PRRC2B: variants seen among roughly 807,000 people sequenced by gnomAD.
PRRC2B encodes protein PRRC2B.
Under a neutral mutation model 242.3 loss-of-function variants are expected in PRRC2B, and 68 were observed. That is an observed-to-expected ratio of 0.28 (90% confidence interval 0.23 to 0.34). The LOEUF is 0.34. PRRC2B is among the 10% of genes least tolerant of loss of function. The pLI, the probability that PRRC2B is intolerant of heterozygous loss-of-function variation, is 1.00. For synonymous variants in PRRC2B, 1,228 were observed against 1,173.6 expected (o/e 1.05, Z -0.95); for missense variants, 2,835 against 2,954.8 (o/e 0.96, Z 0.94).
At chr9:131,465,214 T>A (rs930700928) in intron 12 of PRRC2B, 136 bp downstream of exon 12, 13 of 875,482 alleles carry the variant, frequency 1.5e-5, no homozygotes, top group Non-Finnish European at 1.9e-5. Flanking sequence ...CATCAGTTAT[T>A]AAGAGCATAG....
rs2131272858 is a variant in PRRC2B at position 131,394,220 on chromosome 9, G to T, written c.-95G>T. ...CCGCCCCCGTGCCCGACCGCCGCCCGACTGCCATCGCCCGGCCCGGCCGCG... is the reference window on the plus strand; with the variant it reads ...CCGCCCCCGTGCCCGACCGCCGCCCTACTGCCATCGCCCGGCCCGGCCGCG... On this transcript the variant is annotated 5_prime_UTR_variant, in exon 1 of 32. Transcript: ENST00000683519. 1.4e-5 allele frequency: 2 copies of T among 148,078 alleles called. No individual in the cohort carries two copies. Among genetic ancestry groups the T allele is most frequent in the South Asian group, 3.6e-4 (2 of 5,600 alleles). 9.2% of individuals were successfully genotyped at this position (148,078 alleles called of 1,614,324 possible).
Position 131,476,196 on chromosome 9 carries a change from G to A in PRRC2B, c.4067G>A (p.Arg1356His), listed in dbSNP as rs569093781. 56 of 1,613,500 alleles carry A rather than the reference G, an allele frequency of 3.5e-5. No homozygotes were observed. Among genetic ancestry groups the A allele is most frequent in the African/African-American group, 1.1e-4 (8 of 75,072 alleles). ...CSGDKSGTVG[R>H]RSPELSYQNS... is the part of the protein sequence containing the mutation. ...GGGGACAAGAGTGGCACTGTGGGCC[G>A]CAGGTCCCCTGAGCTCTCCTACCAG... The change falls in exon 16 of 32, where the codon CGC (arginine) becomes CAC (histidine). Residue 1356 changes from arginine (R) to histidine (H), a missense_variant. Transcript: ENST00000683519.
intron 2 of PRRC2B, among the ~76,000 whole-genome samples, chr9:131,431,247 C>T (rs1279220354): frequency 6.6e-6 from 1 of 152,150 alleles, no homozygotes; most frequent in Non-Finnish European, 1.5e-5. Context: ...TCTCCTGCCT[C>T]AGCCTCCCAA....
chr9:131,454,751 T>C (rs1031161403), intron 9 of PRRC2B, among the ~76,000 whole-genome samples: 16 of 152,146 alleles, frequency 1.1e-4, no homozygotes, highest in African/African-American at 3.4e-4. Context: ...TTCTCCTGCC[T>C]CAGCCTCCTG....
rs146720052 is a variant in PRRC2B at position 131,432,071 on chromosome 9, C to T, written c.116-546C>T. ...GGCCTCCCAAAGTGCTGCAATTACA[C>T]GTGTGAGCCACCACGCCTGGTGTGT... is the stretch of plus-strand genomic sequence containing the variant. On this transcript the variant is annotated intron_variant, in intron 2 of 31. Transcript: ENST00000683519. Among the ~76,000 whole-genome samples the T allele has an allele frequency of 2.5e-3, 388 of 152,202 alleles. 2 individuals carry two copies. Among genetic ancestry groups the T allele is most frequent in the African/African-American group, 7.1e-3 (294 of 41,522 alleles).
exon 1 of PRRC2B, chr9:131,373,727 G>A (rs1213303588): frequency 6.6e-6 from 1 of 152,238 alleles, no homozygotes; most frequent in African/African-American, 2.4e-5. Flanking sequence ...CAGCACCCAC[G>A]CCAGGTGAGC....
chr9:131,481,665 T>C, intron 19 of PRRC2B, 61 bp from the exon 20 acceptor site: 1 of 1,317,394 alleles, frequency 7.6e-7, no homozygotes, highest in Non-Finnish European at 1.1e-6. Context: ...CTTTAAGAGC[T>C]CATAAACTCT....
chr9:131,480,355 A>C (rs1019983537), intron 19 of PRRC2B, among the ~76,000 whole-genome samples: 1 of 152,242 alleles, frequency 6.6e-6, no homozygotes, highest in Non-Finnish European at 1.5e-5. Flanking sequence ...AAGCACAACC[A>C]TTTGATAAAA....
intron 4 of PRRC2B, among the ~76,000 whole-genome samples, chr9:131,437,084 G>A (rs1838398424): frequency 6.6e-6 from 1 of 152,060 alleles, no homozygotes; most frequent in African/African-American, 2.4e-5. Flanking sequence ...TGGGTCACAG[G>A]AAGACAAAAA....
chr9:131,426,004 G>A lies in PRRC2B; in HGVS notation c.-51-4090G>A, dbSNP rs138375668. Among the ~76,000 whole-genome samples, 276 of 151,028 alleles carry A rather than the reference G, an allele frequency of 1.8e-3. 2 individuals are homozygous for A. Among genetic ancestry groups the A allele is most frequent in the African/African-American group, 6.2e-3 (256 of 41,208 alleles). On this transcript the variant is annotated intron_variant, in intron 1 of 31. Coordinates refer to ENST00000683519, the MANE Select transcript of PRRC2B (RefSeq NM_013318.4). ...ACCCTAGGTGACAGAGTGAGACTCC[G>A]TCTCAACAAAAAGAAAAAAAATCAC...
At chr9:131,427,551 C>T (rs570450166) in intron 1 of PRRC2B, among the ~76,000 whole-genome samples, 9 of 152,242 alleles carry the variant, frequency 5.9e-5, no homozygotes, top group African/African-American at 1.2e-4. Flanking sequence ...GGGATGGTCT[C>T]GATCTCCTGA....
chr9:131,391,605 CTGTT>C (rs1454877463), upstream of PRRC2B, among the ~76,000 whole-genome samples: 1 of 152,170 alleles, frequency 6.6e-6, no homozygotes, highest in Non-Finnish European at 1.5e-5. Flanking sequence ...CTTTTCTTCT[CTGTT>C]GGATGGGCAC....
intron 10 of PRRC2B, among the ~76,000 whole-genome samples, chr9:131,457,247 TC>T (rs1329851799): frequency 2.0e-5 from 3 of 152,236 alleles, no homozygotes; most frequent in Non-Finnish European, 4.4e-5. Flanking sequence ...ATGGGTCAGT[TC>T]CTGGAACACT....
chr9:131,477,604 GC>G, intron 16 of PRRC2B, 139 bp from the exon 17 acceptor site: 5 of 612,340 alleles, frequency 8.2e-6, no homozygotes, highest in South Asian at 1.9e-5. Context: ...TGGCCAGCCT[GC>G]CGCTCCTCCC....
At position 131,489,151 on chromosome 9, in the gene PRRC2B, A is replaced by G. The variant is rs181992486; in HGVS notation, c.6225+1055A>G. On this transcript the variant is annotated intron_variant, in intron 28 of 31. Coordinates refer to ENST00000683519, the MANE Select transcript of PRRC2B (RefSeq NM_013318.4). The stretch of plus-strand genomic sequence containing the variant: ...TCAGTTGTCACCTCTGGCTTTTTCA[A>G]TTCACTCCCTCTAGTGACCCAACTC... Among the ~76,000 whole-genome samples, 81 of 144,130 alleles carry G rather than the reference A, an allele frequency of 5.6e-4. No homozygotes were observed. In the East Asian group the frequency reaches 0.012, roughly 22 times the overall value. The allele number at this position is 144,130 out of a possible 152,430, so 94.6% of individuals were successfully genotyped here. A position where few individuals can be genotyped will look rare whatever the true frequency, so the allele number is the denominator to read the frequency against.
chr9:131,432,013 C>T (rs184949322), intron 2 of PRRC2B, among the ~76,000 whole-genome samples: 1 of 152,052 alleles, frequency 6.6e-6, no homozygotes, highest in African/African-American at 2.4e-5. Context: ...AGGCTGGTCT[C>T]GAACTCCTGG....
chr9:131,455,124 A>G lies in PRRC2B; in HGVS notation c.1169A>G (p.Asp390Gly), dbSNP rs1262362649. ...TCTGAGAAACTGAAGTTCAGTGATGATGAAGAGGAGGAAGAAGTTGTGAAG... is the reference window on the plus strand; with the variant it reads ...TCTGAGAAACTGAAGTTCAGTGATGGTGAAGAGGAGGAAGAAGTTGTGAAG... ...DYSEKLKFSD[D>G]EEEEEVVKDG... The change falls in exon 10 of 32, where the codon GAT becomes GGT. Residue 390 changes from aspartate to glycine, a missense_variant. Coordinates refer to ENST00000683519, the MANE Select transcript of PRRC2B (RefSeq NM_013318.4). 7 of 1,613,878 alleles carry G rather than the reference A, an allele frequency of 4.3e-6. No homozygotes were observed. Among genetic ancestry groups the G allele is most frequent in the Non-Finnish European group, 5.1e-6 (6 of 1,179,840 alleles).
At chr9:131,466,755 G>C (rs530016464) in intron 12 of PRRC2B, among the ~76,000 whole-genome samples, 3 of 151,984 alleles carry the variant, frequency 2.0e-5, no homozygotes, top group Admixed American at 2.0e-4. Context: ...ATATAGCTGG[G>C]ATTACAGGCG....
In PRRC2B at chr9:131,380,886, C is replaced by CAAAAAAAAAAAAAAA. The variant is rs61180556; in HGVS notation, c.-56+7168_-56+7169insAAAAAAAAAAAAAAA. Among the ~76,000 whole-genome samples the CAAAAAAAAAAAAAAA allele has an allele frequency of 3.0e-4, 32 of 108,308 alleles. 2 individuals carry two copies. Among genetic ancestry groups the CAAAAAAAAAAAAAAA allele is most frequent in the South Asian group, 1.2e-3 (3 of 2,608 alleles). The allele number at this position is 108,308 out of a possible 152,430, so 71.1% of individuals were successfully genotyped here. ...GTGTGACAGTGTGAGATTCTGTCTC[C>CAAAAAAAAAAAAAAA]AAAAAAAAAAAAAGAGTGATTTGTA... On this transcript the variant is annotated intron_variant, in intron 1 of 1. Coordinates refer to the PRRC2B transcript ENST00000682525.
Sources: gnomAD v4.1 joint callset for allele counts (sites outside exome capture counted in the v4.1 genomes callset) on GRCh38, gnomAD v4.1.1 for gene constraint, MANE v1.5 for transcripts, NCBI Gene and HGNC (gene_info 2026-07-23, HGNC 2026-07-21) for gene names.